Variants in PUM2 observed in about 807,000 individuals in gnomAD.
The protein encoded by PUM2 is pumilio homolog 2.
PUM2 carries 57 observed loss-of-function variants against 124.5 expected under a neutral mutation model. The observed-to-expected ratio is 0.46, with a 90% CI of 0.37 to 0.57. The LOEUF (loss-of-function observed/expected upper bound fraction) is 0.57. Ranked by LOEUF, PUM2 falls within the 20% of genes least tolerant of loss-of-function variation. The pLI is 0.00. For missense variants in PUM2, 1,065 were observed against 1,290.6 expected, an observed-to-expected ratio of 0.83 and a Z score of 2.68; for synonymous variants, 460 against 446.1, an observed-to-expected ratio of 1.03 and a Z score of -0.39.
At chr2:20,276,682 A>G (rs553555397) in intron 13 of PUM2, among the ~76,000 whole-genome samples, 4 of 152,172 alleles carry the variant, frequency 2.6e-5, no homozygotes, top group East Asian at 3.9e-4. Context: ...CATGAATAGT[A>G]TGCAAAAAGA....
At chr2:20,350,138 G>A (rs1288907402) in intron 1 of PUM2, 1 of 152,222 alleles carries the variant, frequency 6.6e-6, no homozygotes, top group African/African-American at 2.4e-5. Context: ...GCTTTTCCCG[G>A]ACACACTCGG....
chr2:20,258,510 T>C (rs866400137), intron 15 of PUM2, 139 bp from the exon 16 acceptor site: 104 of 701,648 alleles, frequency 1.5e-4, no homozygotes, highest in Middle Eastern at 7.2e-4. Flanking sequence ...CTAATTAAGA[T>C]AGACTGGGAA....
rs78830336 is a variant in PUM2, at chr2:20,331,155, G to A, written c.-18-3777C>T. On this transcript the variant is annotated intron_variant, in intron 1 of 20. Coordinates refer to ENST00000361078, the MANE Select transcript of PUM2 (RefSeq NM_015317.5). ...GGAAAAAAAAAAAACCACACGCGTT[G>A]TTTGGGAATAGAAAGAATGAAAGGG... 7.0e-3 allele frequency among the ~76,000 whole-genome samples: 1,065 copies of A among 151,698 alleles called. 18 individuals carry two copies. Among genetic ancestry groups the A allele is most frequent in the African/African-American group, 0.025 (1,027 of 41,388 alleles).
intron 17 of PUM2, 88 bp from the exon 18 acceptor site, chr2:20,255,429 T>G (rs1664545816): frequency 9.2e-7 from 1 of 1,092,390 alleles, no homozygotes; most frequent in African/African-American, 1.6e-5. Context: ...TTTTTTTTTT[T>G]GACAACACCT....
intron 15 of PUM2, among the ~76,000 whole-genome samples, chr2:20,259,160 GACTAT>G: frequency 6.6e-6 from 1 of 152,242 alleles, no homozygotes; most frequent in South Asian, 2.1e-4. Context: ...TAAATCCAAA[GACTAT>G]AGTGTTATTC....
intron 13 of PUM2, among the ~76,000 whole-genome samples, chr2:20,272,155 A>AAATGAATGAATG (rs60522777): frequency 0.014 from 2,052 of 148,268 alleles, 19 homozygotes; most frequent in Middle Eastern, 0.024. Context: ...AGACTTCGTC[A>AAATGAATGAATG]AATGAATGAA....
Position 20,257,035 on chromosome 2 carries a change from T to A in PUM2, c.2485-865A>T, listed in dbSNP as rs554399218. Among the ~76,000 whole-genome samples the A allele has an allele frequency of 7.3e-3, 702 of 96,758 alleles. 6 individuals carry two copies. The highest frequency in any genetic ancestry group is 0.03 in the African/African-American group (681 of 22,708). The allele number at this position is 96,758 out of a possible 152,430, so 63.5% of individuals were successfully genotyped here. A position where few individuals can be genotyped will look rare whatever the true frequency, so the allele number is the denominator to read the frequency against. On this transcript the variant is annotated intron_variant, in intron 16 of 20. Coordinates refer to ENST00000361078, the MANE Select transcript of PUM2 (RefSeq NM_015317.5). ...CTCCAGCCTGGGCGACACAGCAAGA[T>A]TCCGTCTCAAAAAAAAAAAAAAAAA... is the stretch of plus-strand genomic sequence containing the variant.
At chr2:20,299,230 G>A (rs753552169) in intron 7 of PUM2, among the ~76,000 whole-genome samples, 4 of 152,142 alleles carry the variant, frequency 2.6e-5, no homozygotes, top group African/African-American at 4.8e-5. Context: ...TCTGGGATCC[G>A]ACATTGTCTC....
chr2:20,274,163 G>A (rs1305173593), intron 13 of PUM2, among the ~76,000 whole-genome samples: 1 of 152,046 alleles, frequency 6.6e-6, no homozygotes, highest in East Asian at 1.9e-4. Context: ...CACTCTGACA[G>A]TCTATGCCAA....
intron 14 of PUM2, 108 bp from the exon 15 acceptor site, chr2:20,260,574 C>G: frequency 2.0e-6 from 2 of 1,014,894 alleles, no homozygotes; most frequent in Non-Finnish European, 2.8e-6. Flanking sequence ...TAAATATTAC[C>G]ATACTTTATA....
intron 7 of PUM2, among the ~76,000 whole-genome samples, chr2:20,305,534 A>C (rs371106624): frequency 2.6e-4 from 40 of 151,560 alleles, no homozygotes; most frequent in African/African-American, 8.9e-4. Context: ...CTGACACTAA[A>C]AAACGTGAAA....
intron 2 of PUM2, among the ~76,000 whole-genome samples, chr2:20,320,370 AAAG>A (rs979759471): frequency 2.6e-5 from 4 of 152,200 alleles, no homozygotes; most frequent in African/African-American, 9.7e-5. Flanking sequence ...AGATAACTAA[AAAG>A]AATAACCTGT....
At chr2:20,332,444 T>TAAGCTC (rs34823688) in intron 1 of PUM2, among the ~76,000 whole-genome samples, 5,019 of 150,770 alleles carry the variant, frequency 0.033, 89 homozygotes, top group Middle Eastern at 0.062. Context: ...CAGCACAACT[T>TAAGCTC]AAGCTCAGCT....
At chr2:20,294,643 A>G (rs868645707) in intron 8 of PUM2, 125 bp from the exon 9 acceptor site, 1 of 1,102,340 alleles carries the variant, frequency 9.1e-7, no homozygotes, top group Middle Eastern at 2.3e-4. Flanking sequence ...ATGTCTTTAT[A>G]ATAAAAGACA....
chr2:20,325,643 A>C (rs1425767817), intron 2 of PUM2, among the ~76,000 whole-genome samples: 4 of 145,260 alleles, frequency 2.8e-5, no homozygotes, highest in Non-Finnish European at 4.5e-5. Context: ...TTTTTTTGAG[A>C]CGGAGTCTCG....
At chr2:20,288,923 T>C (rs1467053658) in intron 10 of PUM2, among the ~76,000 whole-genome samples, 1 of 152,168 alleles carries the variant, frequency 6.6e-6, no homozygotes, top group African/African-American at 2.4e-5. Context: ...GCCCTTCTTA[T>C]GAGAGTGGTT....
chr2:20,304,467 T>C (rs552268000), intron 7 of PUM2, among the ~76,000 whole-genome samples: 7 of 152,346 alleles, frequency 4.6e-5, no homozygotes, highest in African/African-American at 1.7e-4. Context: ...TTCAAACACA[T>C]GAAAATTATT....
intron 9 of PUM2, among the ~76,000 whole-genome samples, chr2:20,291,758 A>C (rs1409853496): frequency 6.6e-6 from 1 of 152,036 alleles, no homozygotes; most frequent in Non-Finnish European, 1.5e-5. Flanking sequence ...ACATGCTGCC[A>C]TATATGGGAT....
intron 1 of PUM2, among the ~76,000 whole-genome samples, chr2:20,328,447 C>T (rs1684180405): frequency 6.6e-6 from 1 of 152,112 alleles, no homozygotes; most frequent in Admixed American, 6.5e-5. Context: ...TCTGTAATTA[C>T]TAGACAGGTG....
Sources: gnomAD v4.1 joint callset for allele counts (sites outside exome capture counted in the v4.1 genomes callset) on GRCh38, gnomAD v4.1.1 for gene constraint, MANE v1.5 for transcripts, NCBI Gene and HGNC (gene_info 2026-07-23, HGNC 2026-07-21) for gene names.